Variants in TNRC6A observed in about 807,000 individuals in gnomAD.
The protein encoded by TNRC6A is trinucleotide repeat containing adaptor 6A.
Under a neutral mutation model 221.2 loss-of-function variants are expected in TNRC6A, and 44 were observed. The ratio of observed to expected loss-of-function variants is 0.20; its 90% CI spans 0.16 to 0.26. The LOEUF (loss-of-function observed/expected upper bound fraction) is 0.26, where lower values mean the gene tolerates loss of function less well. Ranked by LOEUF, TNRC6A falls within the 10% of genes least tolerant of loss-of-function variation. The pLI, the probability that TNRC6A is intolerant of heterozygous loss-of-function variation, is 1.00. For missense variants in TNRC6A, 2,199 were observed against 2,404.4 expected (o/e 0.91, Z 1.79); for synonymous variants, 847 against 838.5 (o/e 1.01, Z -0.18).
chr16:24,653,639 G>A (rs1163892238), intron 2 of TNRC6A, among the ~76,000 whole-genome samples: 1 of 152,068 alleles, frequency 6.6e-6, no homozygotes, highest in Non-Finnish European at 1.5e-5. Flanking sequence ...AGGCAGGCAG[G>A]CATGGTGGCG....
At chr16:24,617,974 C>G (rs913903193) in intron 1 of TNRC6A, among the ~76,000 whole-genome samples, 1 of 152,126 alleles carries the variant, frequency 6.6e-6, no homozygotes, top group South Asian at 2.1e-4. Flanking sequence ...GATCTCAGCT[C>G]GTAACCTCTG....
intron 2 of TNRC6A, among the ~76,000 whole-genome samples, chr16:24,699,064 T>C (rs2055918641): frequency 6.6e-6 from 1 of 152,192 alleles, no homozygotes; most frequent in Non-Finnish European, 1.5e-5. Context: ...ATTGAATGGA[T>C]AAGTGTTTCA....
At chr16:24,653,169 A>T (rs753799903) in intron 2 of TNRC6A, among the ~76,000 whole-genome samples, 3 of 152,184 alleles carry the variant, frequency 2.0e-5, no homozygotes, top group Non-Finnish European at 4.4e-5. Context: ...CAATAGAACA[A>T]TAACCCCAAC....
intron 2 of TNRC6A, among the ~76,000 whole-genome samples, chr16:24,734,631 G>A (rs1050743100): frequency 8.5e-5 from 13 of 152,144 alleles, no homozygotes; most frequent in Admixed American, 5.9e-4. Context: ...ACCCAGCTGG[G>A]ATTTAAACAG....
rs767086931 is a variant in TNRC6A at position 24,806,675 on chromosome 16, A to G, written c.4431A>G (p.Pro1477=). 2 of 1,614,024 alleles carry G rather than the reference A, an allele frequency of 1.2e-6. No homozygotes were observed. Among genetic ancestry groups the G allele is most frequent in the East Asian group, 2.2e-5 (1 of 44,874 alleles). The change falls in exon 17 of 25, where the codon CCA becomes CCG. Residue 1477 remains proline, a synonymous_variant. Transcript: ENST00000395799. ...KQQTPPSQQQ[P]LHQPAMKSFL... ...AGACTCCACCATCTCAGCAGCAGCC[A>G]CTCCATCAGCCAGCCATGAAGTCTT...
At chr16:24,750,620 G>T (rs908355150) in intron 2 of TNRC6A, 106 bp from the exon 3 acceptor site, 1 of 1,269,896 alleles carries the variant, frequency 7.9e-7, no homozygotes, top group Non-Finnish European at 1.0e-6. Context: ...ATAATAATTT[G>T]CCATGTCTTC....
At chr16:24,711,633 T>C (rs544845630) in intron 2 of TNRC6A, among the ~76,000 whole-genome samples, 1 of 151,788 alleles carries the variant, frequency 6.6e-6, no homozygotes, top group East Asian at 1.9e-4. Flanking sequence ...ATTATTATTT[T>C]GAAATTCATC....
intron 2 of TNRC6A, among the ~76,000 whole-genome samples, chr16:24,656,466 CA>C (rs71156432): frequency 1.1e-3 from 138 of 122,898 alleles, no homozygotes; most frequent in African/African-American, 3.9e-3. Context: ...GACTCCATCT[CA>C]AAAAAAAAAA....
At chr16:24,626,693 A>G (rs1596553011) in intron 1 of TNRC6A, among the ~76,000 whole-genome samples, 1 of 133,280 alleles carries the variant, frequency 7.5e-6, no homozygotes, top group Non-Finnish European at 1.5e-5. Flanking sequence ...TGTGTCGCCC[A>G]GGCTGGAATG....
chr16:24,825,030 C>G lies in TNRC6A; in HGVS notation c.*1223C>G, dbSNP rs1475736868. The stretch of plus-strand genomic sequence containing the variant: ...TCAAGTGGCTCCATATGTTTCTGCT[C>G]TCTCGTGACTGTGTTAATGTTTAAC... On this transcript the variant is annotated 3_prime_UTR_variant, in exon 25 of 25. Transcript: ENST00000395799. 2 of 152,582 alleles carry G rather than the reference C, an allele frequency of 1.3e-5. No individual in the cohort carries two copies. Among genetic ancestry groups the G allele is most frequent in the East Asian group, 1.9e-4 (1 of 5,196 alleles). The allele number at this position is 152,582 out of a possible 1,614,324, so 9.5% of individuals were successfully genotyped here.
intron 2 of TNRC6A, among the ~76,000 whole-genome samples, chr16:24,643,826 T>C (rs1442922433): frequency 6.6e-6 from 1 of 152,284 alleles, no homozygotes; most frequent in South Asian, 2.1e-4. Flanking sequence ...TTTCTGTCTC[T>C]GCACCACTTA....
At chr16:24,753,231 C>T (rs1388215431) in intron 3 of TNRC6A, among the ~76,000 whole-genome samples, 1 of 152,170 alleles carries the variant, frequency 6.6e-6, no homozygotes. Flanking sequence ...TCCTGTCTCA[C>T]CCCATGGTTC....
intron 5 of TNRC6A, among the ~76,000 whole-genome samples, chr16:24,784,202 C>G (rs1264777821): frequency 6.6e-6 from 1 of 152,100 alleles, no homozygotes; most frequent in Non-Finnish European, 1.5e-5. Flanking sequence ...GTGTTTCACC[C>G]TGTTGGCCAG....
At chr16:24,670,203 G>A (rs374738116) in intron 2 of TNRC6A, among the ~76,000 whole-genome samples, 2 of 151,830 alleles carry the variant, frequency 1.3e-5, no homozygotes, top group Admixed American at 1.3e-4. Flanking sequence ...ACCCACCTCG[G>A]CCTCCCAAAG....
chr16:24,771,428 G>A (rs2057588573), intron 4 of TNRC6A, among the ~76,000 whole-genome samples: 1 of 152,018 alleles, frequency 6.6e-6, no homozygotes, highest in Admixed American at 6.6e-5. Context: ...CTTGTCCTGG[G>A]ACAGTTTAGG....
At chr16:24,805,995 GA>G (rs898746753) in intron 15 of TNRC6A, among the ~76,000 whole-genome samples, 9 of 152,156 alleles carry the variant, frequency 5.9e-5, no homozygotes, top group African/African-American at 2.2e-4. Flanking sequence ...TTTCTCTGTT[GA>G]AGTGAAAGTT....
chr16:24,699,989 C>T (rs1233992339), intron 2 of TNRC6A, among the ~76,000 whole-genome samples: 2 of 152,102 alleles, frequency 1.3e-5, no homozygotes, highest in Non-Finnish European at 2.9e-5. Flanking sequence ...GGCTATGTTC[C>T]TTCCACCATG....
At chr16:24,799,973 T>C (rs940676777) in intron 11 of TNRC6A, among the ~76,000 whole-genome samples, 4 of 152,232 alleles carry the variant, frequency 2.6e-5, no homozygotes, top group Non-Finnish European at 5.9e-5. Context: ...CTTCATTTCG[T>C]AATCACATCA....
At chr16:24,664,471 A>AATAAAT (rs984666853) in intron 2 of TNRC6A, among the ~76,000 whole-genome samples, 1 of 144,706 alleles carries the variant, frequency 6.9e-6, no homozygotes, top group Non-Finnish European at 1.5e-5. Context: ...TTTTAAATAT[A>AATAAAT]ATAAATATAA....
Sources: allele counts gnomAD v4.1 joint callset (sites outside exome capture counted in the v4.1 genomes callset), GRCh38; gene constraint gnomAD v4.1.1; transcripts MANE v1.5; gene names NCBI Gene and HGNC (gene_info 2026-07-23, HGNC 2026-07-21).